Variants in NR3C2 observed in about 807,000 individuals in gnomAD.
NR3C2 encodes the protein nuclear receptor subfamily 3 group C member 2.
NR3C2 carries 15 observed loss-of-function variants against 86.4 expected under a neutral mutation model. The ratio of observed to expected loss-of-function variants is 0.17; its 90% CI spans 0.12 to 0.27. The LOEUF is 0.27. Ranked by LOEUF, NR3C2 falls within the 10% of genes least tolerant of loss-of-function variation. NR3C2 has a pLI of 1.00. For synonymous variants in NR3C2, 458 were observed against 450.5 expected, an observed-to-expected ratio of 1.02 and a Z score of -0.21; for missense variants, 960 against 1,195.6, an observed-to-expected ratio of 0.80 and a Z score of 2.91.
intron 4 of NR3C2, among the ~76,000 whole-genome samples, chr4:148,172,607 C>T (rs1269518382): frequency 6.6e-6 from 1 of 152,010 alleles, no homozygotes; most frequent in Non-Finnish European, 1.5e-5. Flanking sequence ...TAGAGCCAAA[C>T]CTTGTCGTGA....
At chr4:148,358,554 T>C (rs891209884) in intron 2 of NR3C2, among the ~76,000 whole-genome samples, 4 of 151,516 alleles carry the variant, frequency 2.6e-5, no homozygotes, top group Admixed American at 1.3e-4. Flanking sequence ...CGCACCAGCA[T>C]GGCACATGTA....
intron 3 of NR3C2, among the ~76,000 whole-genome samples, chr4:148,253,727 G>GT (rs993700145): frequency 1.3e-5 from 2 of 151,846 alleles, no homozygotes; most frequent in Non-Finnish European, 2.9e-5. Flanking sequence ...CCTAACAATG[G>GT]TTTTTTTCCC....
rs992838823 is a variant in NR3C2 at position 148,117,487 on chromosome 4, C to T, written c.2641+2671G>A. The stretch of plus-strand genomic sequence containing the variant: ...CACTGGAGGTAAAGTTCCAAGCCAT[C>T]GGTTTTAGTCCTAGCTCATAGAGGA... On this transcript the variant is annotated intron_variant, in intron 7 of 8. Transcript: ENST00000358102. 4.6e-5 allele frequency among the ~76,000 whole-genome samples: 7 copies of T among 151,808 alleles called. No individual in the cohort carries two copies. In the East Asian group the frequency reaches 7.8e-4, roughly 17 times the overall value.
chr4:148,178,663 G>T (rs979507526), intron 4 of NR3C2, among the ~76,000 whole-genome samples: 1 of 151,384 alleles, frequency 6.6e-6, no homozygotes, highest in African/African-American at 2.4e-5. Flanking sequence ...GACCATACCA[G>T]CCTGGGTGAG....
At chr4:148,270,315 CAAG>C (rs1740616368) in intron 2 of NR3C2, among the ~76,000 whole-genome samples, 1 of 152,158 alleles carries the variant, frequency 6.6e-6, no homozygotes, top group Non-Finnish European at 1.5e-5. Flanking sequence ...GACTGAGACA[CAAG>C]AACACAGACA....
chr4:148,281,746 C>G (rs1040109862), intron 2 of NR3C2, among the ~76,000 whole-genome samples: 1 of 152,196 alleles, frequency 6.6e-6, no homozygotes, highest in South Asian at 2.1e-4. Context: ...TATGTTATGT[C>G]AACAAGTATC....
chr4:148,178,049 C>T (rs913536888), intron 4 of NR3C2, among the ~76,000 whole-genome samples: 1 of 152,176 alleles, frequency 6.6e-6, no homozygotes. Context: ...CAAAATAAAG[C>T]CTTCAGGGCT....
At chr4:148,350,246 A>G (rs1745206758) in intron 2 of NR3C2, among the ~76,000 whole-genome samples, 1 of 152,182 alleles carries the variant, frequency 6.6e-6, no homozygotes, top group South Asian at 2.1e-4. Context: ...CTCCCAAGTT[A>G]GTGCCCTTGC....
chr4:148,415,285 G>A (rs933654427), intron 2 of NR3C2, among the ~76,000 whole-genome samples: 3 of 152,134 alleles, frequency 2.0e-5, no homozygotes, highest in African/African-American at 7.2e-5. Context: ...ATAGAATGAT[G>A]GAGCAGGAGG....
At chr4:148,113,258 T>C (rs1331165802) in intron 8 of NR3C2, among the ~76,000 whole-genome samples, 1 of 152,182 alleles carries the variant, frequency 6.6e-6, no homozygotes, top group Non-Finnish European at 1.5e-5. Flanking sequence ...GACTCAAAAG[T>C]TGGCAAAGAT....
intron 3 of NR3C2, among the ~76,000 whole-genome samples, chr4:148,248,865 G>A (rs750011241): frequency 2.6e-5 from 4 of 151,998 alleles, no homozygotes; most frequent in Admixed American, 6.6e-5. Context: ...AAAATATAAC[G>A]TTTATAAAGC....
rs28593291 is a variant in NR3C2, at chr4:148,400,802, A to G, written c.1757+34302T>C. On this transcript the variant is annotated intron_variant, in intron 2 of 8. Coordinates refer to ENST00000358102, the MANE Select transcript of NR3C2 (RefSeq NM_000901.5). ...TCAAAAAAAAAAAAAAAAAAAAAAA[A>G]AGAGAGAGACTGCTTTGGTGTAGAA... 3.5e-3 allele frequency among the ~76,000 whole-genome samples: 503 copies of G among 144,720 alleles called. 2 individuals carry two copies. Among genetic ancestry groups the G allele is most frequent in the African/African-American group, 0.012 (450 of 38,186 alleles). 94.9% of individuals were successfully genotyped at this position (144,720 alleles called of 152,430 possible). A position where few individuals can be genotyped will look rare whatever the true frequency, so the allele number is the denominator to read the frequency against.
At chr4:148,133,571 ACT>A (rs1733135534) in intron 6 of NR3C2, among the ~76,000 whole-genome samples, 2 of 152,228 alleles carry the variant, frequency 1.3e-5, no homozygotes, top group Admixed American at 1.3e-4. Flanking sequence ...ACAGGAAATT[ACT>A]TTTTCCTACT....
chr4:148,090,267 A>G (rs747416310), intron 8 of NR3C2, among the ~76,000 whole-genome samples: 16 of 152,176 alleles, frequency 1.1e-4, no homozygotes, highest in Non-Finnish European at 2.4e-4. Flanking sequence ...GTGACGAGGG[A>G]AGGGAGGAGG....
In NR3C2 at chr4:148,081,350, C is replaced by A; in HGVS notation, c.2949G>T (p.Arg983=). The change falls in exon 9 of 9, where the codon CGG becomes CGT. Residue 983 remains arginine (R), a synonymous_variant. Transcript: ENST00000358102. The stretch of plus-strand genomic sequence containing the variant: ...TCTTCTGGGCAGCGGGCAGTCACTT[C>A]CGGTGGAAGTAGAGCGGCTTGGCGT... ...SGNAKPLYFH[R]K 1 of 1,614,158 alleles carries A rather than the reference C, an allele frequency of 6.2e-7. No homozygotes were observed. The highest frequency in any genetic ancestry group is 8.5e-7 in the Non-Finnish European group (1 of 1,180,026).
intron 4 of NR3C2, among the ~76,000 whole-genome samples, chr4:148,194,019 C>T (rs540762029): frequency 5.3e-5 from 8 of 152,238 alleles, no homozygotes; most frequent in East Asian, 3.9e-4. Context: ...GTCTGATAAT[C>T]GATGAGCAAA....
intron 2 of NR3C2, among the ~76,000 whole-genome samples, chr4:148,430,297 C>T (rs1749739694): frequency 6.6e-6 from 1 of 151,980 alleles, no homozygotes; most frequent in Non-Finnish European, 1.5e-5. Context: ...AAATAATAAA[C>T]CAATATTTTA....
intron 3 of NR3C2, among the ~76,000 whole-genome samples, chr4:148,221,865 G>A (rs1737868500): frequency 7.0e-6 from 1 of 142,286 alleles, no homozygotes; most frequent in East Asian, 2.1e-4. Flanking sequence ...TTGCACTCCA[G>A]CCTGGGTGAC....
At chr4:148,312,193 G>C (rs76529918) in intron 2 of NR3C2, among the ~76,000 whole-genome samples, 240 of 152,246 alleles carry the variant, frequency 1.6e-3, no homozygotes, top group African/African-American at 5.4e-3. Context: ...GCTATTATTA[G>C]CAAGTGTAGT....
Sources: allele counts gnomAD v4.1 joint callset (sites outside exome capture counted in the v4.1 genomes callset), GRCh38; gene constraint gnomAD v4.1.1; transcripts MANE v1.5; gene names NCBI Gene and HGNC (gene_info 2026-07-23, HGNC 2026-07-21).